NALF1: variants seen among roughly 807,000 people sequenced by gnomAD.
NALF1 encodes the protein NALCN channel auxiliary factor 1, also known as family with sequence similarity 155 member A.
In NALF1, 3 loss-of-function variants were observed where a neutral mutation model predicts 48.4. That is an observed-to-expected ratio of 0.06 (90% CI 0.03 to 0.16). The LOEUF is 0.16. Ranked by LOEUF, NALF1 falls within the 10% of genes least tolerant of loss-of-function variation. The pLI, the probability that NALF1 is intolerant of heterozygous loss-of-function variation, is 1.00. For missense variants in NALF1, 526 were observed against 571.5 expected, an observed-to-expected ratio of 0.92 and a Z score of 0.81; for synonymous variants, 262 against 245.7, an observed-to-expected ratio of 1.07 and a Z score of -0.62.
intron 1 of NALF1, among the ~76,000 whole-genome samples, chr13:107,315,183 A>G (rs1882121989): frequency 6.6e-6 from 1 of 152,124 alleles, no homozygotes; most frequent in Admixed American, 6.6e-5. Flanking sequence ...GAATTAAAGA[A>G]TTCTACTACC....
chr13:107,234,948 C>A (rs1880310161), intron 1 of NALF1, among the ~76,000 whole-genome samples: 1 of 152,052 alleles, frequency 6.6e-6, no homozygotes, highest in Admixed American at 6.5e-5. Context: ...AGCCACAGTA[C>A]AGCTCCCATG....
intron 1 of NALF1, among the ~76,000 whole-genome samples, chr13:107,336,986 C>T (rs1882570410): frequency 1.5e-5 from 2 of 132,190 alleles, no homozygotes; most frequent in African/African-American, 3.0e-5. Context: ...CCGCATTGTT[C>T]TTCTTTTATC....
chr13:107,601,380 T>C (rs1408472232), intron 1 of NALF1, among the ~76,000 whole-genome samples: 4 of 152,162 alleles, frequency 2.6e-5, no homozygotes, highest in Admixed American at 2.0e-4. Flanking sequence ...ATTGTGGACA[T>C]TGGGCTGAGA....
intron 1 of NALF1, among the ~76,000 whole-genome samples, chr13:107,664,424 A>G (rs1880805361): frequency 1.3e-5 from 2 of 152,076 alleles, no homozygotes; most frequent in Non-Finnish European, 2.9e-5. Flanking sequence ...TATTTTCAAC[A>G]CAGTGTCAAG....
intron 2 of NALF1, among the ~76,000 whole-genome samples, chr13:107,190,186 A>G (rs540014481): frequency 9.2e-5 from 14 of 152,372 alleles, no homozygotes; most frequent in Admixed American, 2.6e-4. Context: ...ACAGGAAACT[A>G]TAGAAATAAT....
At chr13:107,785,023 TCAA>T (rs1371646012) in intron 1 of NALF1, among the ~76,000 whole-genome samples, 1 of 151,806 alleles carries the variant, frequency 6.6e-6, no homozygotes, top group African/African-American at 2.4e-5. Context: ...GCCCCATCAA[TCAA>T]CGAGTGGATA....
intron 1 of NALF1, among the ~76,000 whole-genome samples, chr13:107,730,671 A>T (rs1876285820): frequency 6.6e-6 from 1 of 152,188 alleles, no homozygotes; most frequent in Non-Finnish European, 1.5e-5. Context: ...TGTACTTTTC[A>T]ATAAAAAAAG....
rs773693137 is a variant in NALF1, at chr13:107,604,458, T to C, written c.915+261224A>G. On this transcript the variant is annotated intron_variant, in intron 1 of 2. Transcript: ENST00000375915. ...CAAAGCAGTGTAATTCCAACCTGAATGAGTGGATTTTTCATTTCTTGGGAA... is the reference window on the plus strand; with the variant it reads ...CAAAGCAGTGTAATTCCAACCTGAACGAGTGGATTTTTCATTTCTTGGGAA... 4.5e-4 allele frequency among the ~76,000 whole-genome samples: 68 copies of C among 152,310 alleles called. 1 individual carries two copies. Among genetic ancestry groups the C allele is most frequent in the Admixed American group, 1.3e-3 (20 of 15,288 alleles).
chr13:107,613,557 AT>A (rs1183473947), intron 1 of NALF1, among the ~76,000 whole-genome samples: 4 of 152,162 alleles, frequency 2.6e-5, no homozygotes, highest in Non-Finnish European at 1.5e-5. Context: ...GTACTTCTAG[AT>A]TTCAGTCCAT....
chr13:107,707,060 C>G (rs1321867677), intron 1 of NALF1, among the ~76,000 whole-genome samples: 2 of 147,818 alleles, frequency 1.4e-5, no homozygotes, highest in African/African-American at 5.0e-5. Context: ...GTAGCTGGGA[C>G]TACAGGCGCC....
chr13:107,432,505 G>A (rs528056464), intron 1 of NALF1, among the ~76,000 whole-genome samples: 1 of 152,224 alleles, frequency 6.6e-6, no homozygotes, highest in Admixed American at 6.5e-5. Context: ...AGTCTCCAGG[G>A]CAGGACCTAA....
intron 1 of NALF1, among the ~76,000 whole-genome samples, chr13:107,703,639 A>T (rs1881879725): frequency 6.6e-6 from 1 of 152,124 alleles, no homozygotes; most frequent in Admixed American, 6.5e-5. Flanking sequence ...ATTTTTTAAC[A>T]GCTCCACAGT....
At position 107,399,668 on chromosome 13, in the gene NALF1, C is replaced by A. The variant is rs185731076; in HGVS notation, c.916-188913G>T. On this transcript the variant is annotated intron_variant, in intron 1 of 2. Transcript: ENST00000375915. ...TTCCTAAACAGTGCAGCTCTTCACACCCCACCAACACCCTCAGAATTTAAA... is the reference window on the plus strand; with the variant it reads ...TTCCTAAACAGTGCAGCTCTTCACAACCCACCAACACCCTCAGAATTTAAA... Among the ~76,000 whole-genome samples, 393 of 152,222 alleles carry A rather than the reference C, an allele frequency of 2.6e-3. 1 individual carries two copies. The highest frequency in any genetic ancestry group is 3.9e-3 in the Admixed American group (60 of 15,276).
intron 1 of NALF1, among the ~76,000 whole-genome samples, chr13:107,573,942 T>C (rs1490780909): frequency 6.6e-6 from 1 of 152,204 alleles, no homozygotes; most frequent in African/African-American, 2.4e-5. Context: ...GTCTTGGGTA[T>C]GTCTTTATTA....
At chr13:107,557,577 T>C (rs1475299831) in intron 1 of NALF1, among the ~76,000 whole-genome samples, 1 of 152,176 alleles carries the variant, frequency 6.6e-6, no homozygotes, top group Non-Finnish European at 1.5e-5. Flanking sequence ...CTCCTGGCTC[T>C]GTCTCTGCTG....
intron 2 of NALF1, among the ~76,000 whole-genome samples, chr13:107,202,263 T>C (rs1340330350): frequency 6.6e-6 from 1 of 151,846 alleles, no homozygotes. Flanking sequence ...CTAAGGTATT[T>C]CTTACTTATT....
At chr13:107,173,709 G>A (rs1878852669) in intron 2 of NALF1, among the ~76,000 whole-genome samples, 2 of 152,122 alleles carry the variant, frequency 1.3e-5, no homozygotes, top group Admixed American at 1.3e-4. Context: ...AGTAGGAAAA[G>A]CTCATGAGGG....
chr13:107,855,097 G>A (rs147051353), intron 1 of NALF1, among the ~76,000 whole-genome samples: 72 of 152,226 alleles, frequency 4.7e-4, no homozygotes, highest in Admixed American at 1.3e-3. Context: ...GAGGCGTTTC[G>A]CTGACAGAAA....
intron 1 of NALF1, among the ~76,000 whole-genome samples, chr13:107,558,456 C>T (rs1238522293): frequency 1.3e-5 from 2 of 152,174 alleles, no homozygotes; most frequent in African/African-American, 4.8e-5. Context: ...TATGGTATTC[C>T]ACATTTCTTG....
Sources: gnomAD v4.1 joint callset for allele counts (sites outside exome capture counted in the v4.1 genomes callset) on GRCh38, gnomAD v4.1.1 for gene constraint, MANE v1.5 for transcripts, NCBI Gene and HGNC (gene_info 2026-07-23, HGNC 2026-07-21) for gene names.